TBC1D5: variants seen among roughly 807,000 people sequenced by gnomAD.
TBC1D5 encodes the protein TBC1 domain family, member 5.
A neutral mutation model predicts 100.3 loss-of-function variants in TBC1D5; 75 were observed. That is an observed-to-expected ratio of 0.75 (90% confidence interval 0.62 to 0.91). The LOEUF is 0.91. Ranked by LOEUF, TBC1D5 falls within the 40% of genes least tolerant of loss-of-function variation. The pLI is 0.00. For missense variants in TBC1D5, 910 were observed against 942.4 expected, an observed-to-expected ratio of 0.97 and a Z score of 0.45; for synonymous variants, 323 against 325.6, an observed-to-expected ratio of 0.99 and a Z score of 0.09.
At chr3:17,231,118 G>A (rs2075381895) in intron 17 of TBC1D5, among the ~76,000 whole-genome samples, 1 of 152,072 alleles carries the variant, frequency 6.6e-6, no homozygotes, top group Admixed American at 6.6e-5. Context: ...TACTTCTGTT[G>A]TTACAAATTC....
At chr3:17,615,248 T>C (rs1455936860) in intron 2 of TBC1D5, among the ~76,000 whole-genome samples, 2 of 152,244 alleles carry the variant, frequency 1.3e-5, no homozygotes, top group Non-Finnish European at 2.9e-5. Context: ...CTGATCGTGG[T>C]GGATAAACTT....
chr3:17,216,195 G>C (rs755775181), intron 17 of TBC1D5, among the ~76,000 whole-genome samples: 7 of 152,144 alleles, frequency 4.6e-5, no homozygotes, highest in Non-Finnish European at 7.4e-5. Context: ...AAGATGGTTA[G>C]CTGATAGCCT....
chr3:17,316,211 A>C (rs2084680403), intron 13 of TBC1D5, among the ~76,000 whole-genome samples: 1 of 152,136 alleles, frequency 6.6e-6, no homozygotes, highest in Admixed American at 6.5e-5. Flanking sequence ...AATGAACTAT[A>C]GTTAGAGAAA....
At chr3:17,324,654 G>T (rs184854090) in intron 13 of TBC1D5, among the ~76,000 whole-genome samples, 1 of 151,736 alleles carries the variant, frequency 6.6e-6, no homozygotes. Context: ...AAAAAAAAAT[G>T]AAAATGAAAA....
intron 13 of TBC1D5, among the ~76,000 whole-genome samples, chr3:17,323,649 G>C (rs1466700504): frequency 6.6e-6 from 1 of 151,894 alleles, no homozygotes; most frequent in Non-Finnish European, 1.5e-5. Flanking sequence ...TAATAGCTGT[G>C]TGCTGAAAAC....
At chr3:17,560,936 A>G (rs1017944299) in intron 2 of TBC1D5, among the ~76,000 whole-genome samples, 2 of 152,088 alleles carry the variant, frequency 1.3e-5, no homozygotes, top group Non-Finnish European at 2.9e-5. Context: ...AAAAAAAGAA[A>G]AATAGTTTTT....
At chr3:17,250,514 T>G (rs2077089866) in intron 16 of TBC1D5, among the ~76,000 whole-genome samples, 1 of 152,248 alleles carries the variant, frequency 6.6e-6, no homozygotes, top group Non-Finnish European at 1.5e-5. Context: ...CAATGTCATT[T>G]GCTACCACCC....
intron 15 of TBC1D5, among the ~76,000 whole-genome samples, chr3:17,285,248 CTTTTTTTTTTTTTTT>C (rs373843978): frequency 7.9e-4 from 83 of 104,708 alleles, no homozygotes; most frequent in African/African-American, 2.9e-3. Flanking sequence ...ATTTTAGATT[CTTTTTTTTTTTTTTT>C]TTTTTTTTTT....
Position 17,292,522 on chromosome 3 carries a change from CAA to C in TBC1D5, c.1139-523_1139-522del, listed in dbSNP as rs574958427. 1.8e-4 allele frequency among the ~76,000 whole-genome samples: 28 copies of C among 152,088 alleles called. No individual in the cohort carries two copies. The South Asian group carries it at 3.9e-3, about 21-fold the overall frequency. ...TAATTATTTGTTTTTCTAAAGGTAA[CAA>C]GAGATTTAGGGAGAGAATACCTAAG... On this transcript the variant is annotated intron_variant, in intron 14 of 21. Coordinates refer to ENST00000253692, the Ensembl canonical transcript of TBC1D5.
At chr3:17,566,098 A>G (rs1313243476) in intron 2 of TBC1D5, among the ~76,000 whole-genome samples, 1 of 152,006 alleles carries the variant, frequency 6.6e-6, no homozygotes, top group East Asian at 1.9e-4. Context: ...AGTTTTAAAG[A>G]CACTGTAATA....
chr3:17,460,621 CTT>C (rs951571102), intron 3 of TBC1D5, among the ~76,000 whole-genome samples: 4 of 151,908 alleles, frequency 2.6e-5, no homozygotes, highest in African/African-American at 7.3e-5. Context: ...TAATTTGACT[CTT>C]GAGAGTCAAA....
chr3:17,465,773 G>A (rs1229332525), intron 3 of TBC1D5, among the ~76,000 whole-genome samples: 1 of 152,202 alleles, frequency 6.6e-6, no homozygotes, highest in African/African-American at 2.4e-5. Context: ...ATTTCAAGAA[G>A]CAATGGATCC....
chr3:17,366,576 T>C (rs901174772), intron 13 of TBC1D5, among the ~76,000 whole-genome samples: 1 of 152,138 alleles, frequency 6.6e-6, no homozygotes, highest in Non-Finnish European at 1.5e-5. Context: ...TCATATTTCA[T>C]GTATTATGTT....
At chr3:17,676,575 C>T (rs1443157815) in intron 1 of TBC1D5, among the ~76,000 whole-genome samples, 2 of 152,142 alleles carry the variant, frequency 1.3e-5, no homozygotes, top group Non-Finnish European at 2.9e-5. Context: ...GGCCATACTG[C>T]CCAAGGTAAT....
rs149084842 is a variant in TBC1D5, at chr3:17,235,924, T to C, written c.1588+2239A>G. Among the ~76,000 whole-genome samples the C allele has an allele frequency of 1.2e-4, 18 of 152,018 alleles. No homozygotes were observed. The Middle Eastern group carries it at 0.01, about 86-fold the overall frequency. On this transcript the variant is annotated intron_variant, in intron 17 of 21. Coordinates refer to ENST00000253692, the Ensembl canonical transcript of TBC1D5. Reference sequence around the variant, plus strand: ...ATTTTTGTTTTTTTTTTTTGGTAGATTGACATGAGAAGAACAAAACACAAG... The same window carrying C: ...ATTTTTGTTTTTTTTTTTTGGTAGACTGACATGAGAAGAACAAAACACAAG...
At chr3:17,502,723 G>A (rs1181097194) in intron 3 of TBC1D5, among the ~76,000 whole-genome samples, 1 of 149,214 alleles carries the variant, frequency 6.7e-6, no homozygotes, top group Non-Finnish European at 1.5e-5. Context: ...GTCCTCTGCA[G>A]CCCTCTATCC....
At chr3:17,186,381 C>T (rs150707890) in intron 18 of TBC1D5, among the ~76,000 whole-genome samples, 136 of 152,028 alleles carry the variant, frequency 8.9e-4, no homozygotes, top group African/African-American at 3.2e-3. Context: ...AAGAACTAGC[C>T]CGTAGGAATA....
intron 4 of TBC1D5, among the ~76,000 whole-genome samples, chr3:17,413,201 G>A (rs2093982516): frequency 1.3e-5 from 2 of 152,158 alleles, no homozygotes; most frequent in South Asian, 2.1e-4. Flanking sequence ...AGGTGAAGAT[G>A]AGTAGGTTTC....
chr3:17,372,331 A>G (rs574840781), intron 12 of TBC1D5, 84 bp from the exon 13 acceptor site: 1 of 1,283,986 alleles, frequency 7.8e-7, no homozygotes, highest in African/African-American at 1.5e-5. Context: ...ATGACAGTTT[A>G]AACAAGAAGT....
Sources: gnomAD v4.1 joint callset for allele counts (sites outside exome capture counted in the v4.1 genomes callset) on GRCh38, gnomAD v4.1.1 for gene constraint, MANE v1.5 for transcripts, NCBI Gene and HGNC (gene_info 2026-07-23, HGNC 2026-07-21) for gene names.